The following EFCAB5 variants were observed in gnomAD, a reference collection of about 807,000 sequenced individuals.
The protein encoded by EFCAB5 is EF-hand calcium-binding domain-containing protein 5.
Under a neutral mutation model 167.9 loss-of-function variants are expected in EFCAB5, and 131 were observed. That is an observed-to-expected ratio of 0.78 (90% CI 0.68 to 0.90). EFCAB5 has a LOEUF of 0.90. Ranked by LOEUF, EFCAB5 falls within the 40% of genes least tolerant of loss-of-function variation. The pLI, the probability that EFCAB5 is intolerant of heterozygous loss-of-function variation, is 0.00. For missense variants in EFCAB5, 1,663 were observed against 1,745.2 expected (o/e 0.95, Z 0.84); for synonymous variants, 574 against 602.8 (o/e 0.95, Z 0.70).
chr17:30,042,411 G>T (rs1457356403), intron 8 of EFCAB5, among the ~76,000 whole-genome samples: 1 of 152,090 alleles, frequency 6.6e-6, no homozygotes, highest in East Asian at 1.9e-4. Flanking sequence ...TGGACCTCTG[G>T]TATCTCTAAG....
Position 30,107,857 on chromosome 17 carries a change from A to T in EFCAB5, c.4345A>T (p.Lys1449Ter). ...AGATCATTCCCGAACTGAAGTATGG[A>T]AATTTGGTAATGTTGTCATTGAACA... ...IRDHSRTEVW[K>*]FGNVVIEHLY... Residue 1449 changes from lysine to a stop codon, truncating the protein, a stop_gained, in exon 23 of 23, where the codon AAA (lysine) becomes TAA (stop). Transcript: ENST00000394835. LOFTEE classifies it low-confidence loss of function (END_TRUNC). The T allele has an allele frequency of 1.9e-6, 3 of 1,575,742 alleles. No homozygotes were observed. In the South Asian group the frequency reaches 3.6e-5, roughly 19 times the overall value.
intron 7 of EFCAB5, among the ~76,000 whole-genome samples, chr17:30,011,458 G>C (rs977032044): frequency 2.0e-5 from 3 of 152,140 alleles, no homozygotes; most frequent in Non-Finnish European, 4.4e-5. Flanking sequence ...TCTTCCATTT[G>C]TTTGTGCCCT....
intron 1 of EFCAB5, chr17:29,929,921 C>A: frequency 1.3e-6 from 2 of 1,585,556 alleles, no homozygotes; most frequent in East Asian, 2.3e-5. Context: ...GCGGAGCGGC[C>A]GCCAGGAAGG....
At chr17:29,946,429 C>CTTTTTTTTT (rs58247381) in intron 3 of EFCAB5, among the ~76,000 whole-genome samples, 3 of 85,444 alleles carry the variant, frequency 3.5e-5, no homozygotes, top group Admixed American at 1.5e-4. Flanking sequence ...ATGGAAATTT[C>CTTTTTTTTT]TTTTTTTTTT....
intron 12 of EFCAB5, 30 bp from the exon 13 acceptor site, chr17:30,057,646 T>A (rs1200233894): frequency 1.3e-6 from 2 of 1,588,996 alleles, no homozygotes; most frequent in East Asian, 4.5e-5. Flanking sequence ...TTGTTCACTT[T>A]ACTGCTTGGT....
intron 7 of EFCAB5, among the ~76,000 whole-genome samples, chr17:30,011,544 G>A (rs1362803809): frequency 1.3e-5 from 2 of 152,066 alleles, no homozygotes; most frequent in South Asian, 2.1e-4. Context: ...TGGATTCCTA[G>A]GTATTTTATT....
intron 7 of EFCAB5, among the ~76,000 whole-genome samples, chr17:30,020,838 TA>T (rs1430216874): frequency 6.6e-6 from 1 of 152,164 alleles, no homozygotes; most frequent in East Asian, 1.9e-4. Context: ...CCAGTGCAAT[TA>T]AATTTTTTGG....
chr17:29,990,981 A>G (rs1434420392), intron 4 of EFCAB5, among the ~76,000 whole-genome samples: 2 of 152,172 alleles, frequency 1.3e-5, no homozygotes, highest in Non-Finnish European at 2.9e-5. Flanking sequence ...TTGCCACTTT[A>G]GATTTAGCTG....
At chr17:29,969,425 G>GA (rs1741813052) in intron 4 of EFCAB5, 58 bp downstream of exon 4, 2 of 1,382,926 alleles carry the variant, frequency 1.4e-6, no homozygotes, top group Non-Finnish European at 1.9e-6. Context: ...AAAACTAGTA[G>GA]AAAAAATAAC....
chr17:29,977,263 A>T (rs1430819178), intron 4 of EFCAB5, among the ~76,000 whole-genome samples: 1 of 152,170 alleles, frequency 6.6e-6, no homozygotes, highest in Non-Finnish European at 1.5e-5. Context: ...CCTAATTATG[A>T]TGGTGGTTAC....
chr17:30,051,398 C>G (rs550234256), intron 9 of EFCAB5, among the ~76,000 whole-genome samples, 181 bp downstream of exon 9: 2 of 152,254 alleles, frequency 1.3e-5, no homozygotes, highest in African/African-American at 4.8e-5. Flanking sequence ...ACGAAATTCA[C>G]TCTTCATCAC....
At position 30,063,119 on chromosome 17, in the gene EFCAB5, C is replaced by T. The variant is rs141746204; in HGVS notation, c.2737+3418C>T. Among the ~76,000 whole-genome samples the T allele has an allele frequency of 2.7e-3, 416 of 152,298 alleles. 3 individuals are homozygous for T. Among genetic ancestry groups the T allele is most frequent in the African/African-American group, 7.2e-3 (300 of 41,564 alleles). ...CCCTACAGTCCAAACAACTCTAGTA[C>T]CTGGCTTCTCTGGAGCTTTACTGGA... On this transcript the variant is annotated intron_variant, in intron 14 of 22. Coordinates refer to ENST00000394835, the MANE Select transcript of EFCAB5 (RefSeq NM_198529.4).
chr17:29,942,422 A>G (rs2067312959), intron 2 of EFCAB5, 120 bp downstream of exon 2: 2 of 913,364 alleles, frequency 2.2e-6, no homozygotes, highest in Non-Finnish European at 3.1e-6. Context: ...TGCAAAAGGA[A>G]AAGGACAAAC....
At chr17:29,933,886 A>G (rs1422322025) in intron 1 of EFCAB5, among the ~76,000 whole-genome samples, 8 of 152,158 alleles carry the variant, frequency 5.3e-5, no homozygotes, top group African/African-American at 1.7e-4. Flanking sequence ...ACATCATGAC[A>G]TCCATAGAAA....
In EFCAB5 at chr17:30,097,287, C is replaced by T. The variant is rs180840851; in HGVS notation, c.4321+4351C>T. Among the ~76,000 whole-genome samples the T allele has an allele frequency of 2.0e-5, 3 of 152,038 alleles. No individual in the cohort carries two copies. In the East Asian group the frequency reaches 5.8e-4, roughly 30 times the overall value. On this transcript the variant is annotated intron_variant, in intron 22 of 22. Coordinates refer to ENST00000394835, the MANE Select transcript of EFCAB5 (RefSeq NM_198529.4). ...GTCAGACTGGTCTCAAACTCCTGAG[C>T]TCAGATGATCCGCCCCCTCGGCCTC...
At chr17:29,968,051 T>C (rs188487167) in intron 3 of EFCAB5, among the ~76,000 whole-genome samples, 1 of 152,182 alleles carries the variant, frequency 6.6e-6, no homozygotes, top group African/African-American at 2.4e-5. Context: ...ATTTTTTTAT[T>C]GTTTGTAGAA....
chr17:29,975,034 A>G (rs900528835), intron 4 of EFCAB5, among the ~76,000 whole-genome samples: 3 of 151,714 alleles, frequency 2.0e-5, no homozygotes, highest in African/African-American at 7.3e-5. Context: ...TCTAAAATAA[A>G]TAAATAAATA....
At chr17:29,962,978 T>C (rs994487260) in intron 3 of EFCAB5, among the ~76,000 whole-genome samples, 1 of 152,178 alleles carries the variant, frequency 6.6e-6, no homozygotes, top group African/African-American at 2.4e-5. Flanking sequence ...GGTCACTTTC[T>C]GTCTCCCAGA....
intron 3 of EFCAB5, among the ~76,000 whole-genome samples, chr17:29,954,790 C>T (rs1235798620): frequency 1.3e-5 from 2 of 152,244 alleles, no homozygotes; most frequent in Non-Finnish European, 2.9e-5. Flanking sequence ...ACGTTCAATG[C>T]TAGCCTGTGA....
Sources: gnomAD v4.1 joint callset for allele counts (sites outside exome capture counted in the v4.1 genomes callset) on GRCh38, gnomAD v4.1.1 for gene constraint, MANE v1.5 for transcripts, NCBI Gene and HGNC (gene_info 2026-07-23, HGNC 2026-07-21) for gene names.